Variants in DCBLD1 observed in about 807,000 individuals in gnomAD.
DCBLD1 encodes discoidin, CUB and LCCL domain containing 1, also known as discoidin, CUB and LCCL domain-containing protein 1.
Under a neutral mutation model 71.5 loss-of-function variants are expected in DCBLD1, and 57 were observed. That is an observed-to-expected ratio of 0.80 (90% CI 0.64 to 0.99). The LOEUF is 0.99. Among genes scored for constraint, DCBLD1 ranks in the 50% least tolerant of loss-of-function variants. The pLI is 0.00. For synonymous variants in DCBLD1, 380 were observed against 363.8 expected (o/e 1.04, Z -0.51); for missense variants, 891 against 923.5 (o/e 0.96, Z 0.46).
chr6:117,549,925 C>A, downstream of DCBLD1: 1 of 888,496 alleles, frequency 1.1e-6, no homozygotes, highest in Non-Finnish European at 1.3e-6. Flanking sequence ...AGGCCAGACC[C>A]CAATCTACCA....
intron 5 of DCBLD1, among the ~76,000 whole-genome samples, chr6:117,530,525 GC>G (rs1448409767): frequency 1.3e-5 from 2 of 152,166 alleles, no homozygotes; most frequent in Non-Finnish European, 2.9e-5. Context: ...TTCCTAACAG[GC>G]CACTGACCAG....
Position 117,548,446 on chromosome 6 carries a change from T to C in DCBLD1, c.*7T>C, listed in dbSNP as rs1562127854. The C allele has an allele frequency of 6.4e-7, 1 of 1,550,440 alleles. No homozygotes were observed. The highest frequency in any genetic ancestry group is 2.4e-5 in the East Asian group (1 of 40,920). On this transcript the variant is annotated 3_prime_UTR_variant, in exon 15 of 15. Transcript: ENST00000338728. ...CATGACTGCCCTTTTGTGAACACAATGTGAAAGAAGCCTGCTGTGGTACTG... is the reference window on the plus strand; with the variant it reads ...CATGACTGCCCTTTTGTGAACACAACGTGAAAGAAGCCTGCTGTGGTACTG...
At chr6:117,521,758 G>T (rs568673608) in intron 4 of DCBLD1, among the ~76,000 whole-genome samples, 182 bp downstream of exon 4, 29 of 152,266 alleles carry the variant, frequency 1.9e-4, no homozygotes, top group African/African-American at 7.0e-4. Flanking sequence ...CTGTCAAGGG[G>T]TAGATAATAA....
intron 1 of DCBLD1, among the ~76,000 whole-genome samples, chr6:117,486,730 A>G (rs962271769): frequency 6.6e-6 from 1 of 152,130 alleles, no homozygotes; most frequent in African/African-American, 2.4e-5. Context: ...CCCTCTCTTC[A>G]TTCCCAGAAC....
chr6:117,485,544 G>A (rs1777055850), intron 1 of DCBLD1, among the ~76,000 whole-genome samples: 1 of 152,182 alleles, frequency 6.6e-6, no homozygotes, highest in Non-Finnish European at 1.5e-5. Flanking sequence ...GTACCAGTGT[G>A]TGCACTCACC....
intron 2 of DCBLD1, among the ~76,000 whole-genome samples, chr6:117,513,818 G>A (rs1778100612): frequency 6.6e-6 from 1 of 152,194 alleles, no homozygotes; most frequent in South Asian, 2.1e-4. Context: ...AAAGTTAGAA[G>A]TCACCGCGCT....
rs1779359440 is a variant in DCBLD1 at position 117,548,598 on chromosome 6, A to G, written c.*159A>G. 13 of 1,441,480 alleles carry G rather than the reference A, an allele frequency of 9.0e-6. No homozygotes were observed. Among genetic ancestry groups the G allele is most frequent in the Admixed American group, 5.5e-5 (2 of 36,408 alleles). The allele number at this position is 1,441,480 out of a possible 1,614,324, so 89.3% of individuals were successfully genotyped here. On this transcript the variant is annotated 3_prime_UTR_variant, in exon 15 of 15. Transcript: ENST00000338728. ...AGTAGGATCCTAGAGACAACCTGTC[A>G]TACTGTTTACAAAATTGTGCAGCTG...
Position 117,541,034 on chromosome 6 carries a change from G to A in DCBLD1, c.1357+9G>A, listed in dbSNP as rs750938271. ...GGAAGAAACATCCACAGGTAGAGCC[G>A]TGATTGTCTGTGGTTTCATAAGGAG... On this transcript the variant is annotated intron_variant, in intron 11 of 14. Transcript: ENST00000338728. 1.1e-5 allele frequency: 17 copies of A among 1,613,498 alleles called. No homozygotes were observed. Among genetic ancestry groups the A allele is most frequent in the South Asian group, 2.2e-5 (2 of 91,066 alleles).
intron 1 of DCBLD1, among the ~76,000 whole-genome samples, chr6:117,498,812 C>G (rs1777551730): frequency 6.6e-6 from 1 of 151,988 alleles, no homozygotes; most frequent in Admixed American, 6.6e-5. Context: ...GTAGGCATCC[C>G]TCAAAAAAAT....
chr6:117,509,309 G>A (rs118027254), intron 2 of DCBLD1, among the ~76,000 whole-genome samples: 18 of 152,278 alleles, frequency 1.2e-4, no homozygotes, highest in Non-Finnish European at 2.5e-4. Context: ...ATACATGCCC[G>A]TAGTCCCAGC....
In DCBLD1 at chr6:117,483,341, C is replaced by T. The variant is rs539991791; in HGVS notation, c.112+448C>T. ...CTCCTCGGCCGGCGCTGGGCCCTGC[C>T]CTCCCTGCCGTCGCTCCTCCCGCGC... On this transcript the variant is annotated intron_variant, in intron 1 of 14. Coordinates refer to ENST00000338728, the MANE Select transcript of DCBLD1 (RefSeq NM_001366458.2). 1.1e-4 allele frequency among the ~76,000 whole-genome samples: 17 copies of T among 152,314 alleles called. No homozygotes were observed. The East Asian group carries it at 3.3e-3, about 30-fold the overall frequency.
rs9689092 is a variant in DCBLD1, at chr6:117,549,763, C to T, written c.*1324C>T. ...TTTGTAGAGTTTACATGGTTTTATG[C>T]GCACACTAATTGTAATAAACTATGC... On this transcript the variant is annotated 3_prime_UTR_variant, in exon 15 of 15. Coordinates refer to ENST00000338728, the MANE Select transcript of DCBLD1 (RefSeq NM_001366458.2). 430 of 985,328 alleles carry T rather than the reference C, an allele frequency of 4.4e-4. No individual in the cohort carries two copies. In the African/African-American group the frequency reaches 5.4e-3, roughly 12 times the overall value. The allele number at this position is 985,328 out of a possible 1,614,324, so 61.0% of individuals were successfully genotyped here.
At chr6:117,544,266 A>G (rs1437740399) in intron 12 of DCBLD1, 1 of 362,834 alleles carries the variant, frequency 2.8e-6, no homozygotes, top group African/African-American at 2.1e-5. Flanking sequence ...TAAACTTAAT[A>G]AGGCACTGAT....
At position 117,538,718 on chromosome 6, in the gene DCBLD1, C is replaced by T. The variant is rs1778984316; in HGVS notation, c.859C>T (p.Pro287Ser). The T allele has an allele frequency of 6.2e-7, 1 of 1,614,074 alleles. No individual in the cohort carries two copies. The highest frequency in any genetic ancestry group is 1.1e-5 in the South Asian group (1 of 91,082). The change falls in exon 8 of 15, where the codon CCT becomes TCT. Residue 287 changes from proline to serine, a missense_variant. Pro to Ser is a moderately conservative substitution (Grantham distance 74). Transcript: ENST00000338728. ...GAGTGGAGACCAAGTTCACTGGTCT[C>T]CTGGCCAAGCCCGACTTCAGGACCA... ...NESGDQVHWS[P>S]GQARLQDQGP...
chr6:117,495,506 T>A (rs769013814), intron 1 of DCBLD1, among the ~76,000 whole-genome samples: 3 of 152,194 alleles, frequency 2.0e-5, no homozygotes, highest in Admixed American at 6.5e-5. Flanking sequence ...GTCTTTAGAT[T>A]ATGGATGATG....
At chr6:117,518,689 G>A (rs774667902) in intron 2 of DCBLD1, among the ~76,000 whole-genome samples, 13 of 152,128 alleles carry the variant, frequency 8.5e-5, no homozygotes, top group African/African-American at 1.2e-4. Context: ...TCGTGCAGGG[G>A]AACTCCTTTT....
chr6:117,545,369 G>C (rs1013964745), intron 13 of DCBLD1, 109 bp from the exon 14 acceptor site: 7 of 1,455,676 alleles, frequency 4.8e-6, no homozygotes, highest in African/African-American at 1.4e-5. Flanking sequence ...ATTGATCACT[G>C]TCAGCTGTCA....
At chr6:117,563,682 A>C (rs1424387498) in intron 14 of DCBLD1, among the ~76,000 whole-genome samples, 1 of 151,760 alleles carries the variant, frequency 6.6e-6, no homozygotes, top group Non-Finnish European at 1.5e-5. Flanking sequence ...AGATCGTACC[A>C]CCGCACTCTA....
chr6:117,545,683 C>T, intron 14 of DCBLD1, 86 bp downstream of exon 14: 1 of 1,518,740 alleles, frequency 6.6e-7, no homozygotes, highest in Non-Finnish European at 8.8e-7. Context: ...AAGGCAAAAT[C>T]CTTTTCTATT....
Sources: allele counts gnomAD v4.1 joint callset (sites outside exome capture counted in the v4.1 genomes callset), GRCh38; gene constraint gnomAD v4.1.1; transcripts MANE v1.5; gene names NCBI Gene and HGNC (gene_info 2026-07-23, HGNC 2026-07-21).